SYNE1: variants seen among roughly 807,000 people sequenced by gnomAD.
The protein encoded by SYNE1 is nesprin-1.
SYNE1 carries 616 observed loss-of-function variants against 1,111.0 expected under a neutral mutation model. That is an observed-to-expected ratio of 0.55 (90% CI 0.52 to 0.59). The LOEUF is 0.59. Ranked by LOEUF, SYNE1 falls within the 20% of genes least tolerant of loss-of-function variation. SYNE1 has a pLI of 0.00. For synonymous variants in SYNE1, 3,855 were observed against 3,825.8 expected (o/e 1.01, Z -0.28); for missense variants, 10,006 against 10,417.0 (o/e 0.96, Z 1.72).
intron 16 of SYNE1, among the ~76,000 whole-genome samples, chr6:152,468,373 T>C (rs777561562): frequency 1.3e-4 from 20 of 152,186 alleles, no homozygotes; most frequent in South Asian, 4.1e-4. Context: ...TTTTCTTTCA[T>C]GTGAAAGATT....
At chr6:152,139,202 T>C (rs1171784378) in intron 140 of SYNE1, among the ~76,000 whole-genome samples, 1 of 152,186 alleles carries the variant, frequency 6.6e-6, no homozygotes, top group Non-Finnish European at 1.5e-5. Flanking sequence ...TCTTAAAATA[T>C]CAATTCATTA....
At chr6:152,264,604 C>T (rs1278666519) in intron 100 of SYNE1, among the ~76,000 whole-genome samples, 1 of 151,828 alleles carries the variant, frequency 6.6e-6, no homozygotes, top group Non-Finnish European at 1.5e-5. Context: ...TGAGCCCAGC[C>T]TGGACAACAT....
chr6:152,134,857 C>A, intron 142 of SYNE1: 1 of 494,892 alleles, frequency 2.0e-6, no homozygotes, highest in Non-Finnish European at 3.6e-6. Context: ...CTTGAGAACA[C>A]TAAGATTTTT....
chr6:152,528,882 A>G (rs1464687457), intron 4 of SYNE1, among the ~76,000 whole-genome samples: 3 of 152,202 alleles, frequency 2.0e-5, no homozygotes, highest in Admixed American at 6.5e-5. Flanking sequence ...GGGTTTGTGT[A>G]TTATTCAGGA....
Position 152,472,493 on chromosome 6 carries a change from C to T in SYNE1, c.1351-80G>A, listed in dbSNP as rs4530871. The stretch of plus-strand genomic sequence containing the variant: ...TAAGAAGCATAATTTCCAGCCCGCA[C>T]CGATGAGTCAATGTATTCAACAATT... On this transcript the variant is annotated intron_variant, in intron 14 of 145. Coordinates refer to ENST00000367255, the MANE Select transcript of SYNE1 (RefSeq NM_182961.4). 40,600 of 1,273,980 alleles carry T rather than the reference C, an allele frequency of 0.032. 787 individuals carry two copies. The highest frequency in any genetic ancestry group is 0.051 in the African/African-American group (3,463 of 68,372). 78.9% of individuals were successfully genotyped at this position (1,273,980 alleles called of 1,614,324 possible). A position where few individuals can be genotyped will look rare whatever the true frequency, so the allele number is the denominator to read the frequency against.
chr6:152,162,063 T>A (rs1401031622), intron 131 of SYNE1, among the ~76,000 whole-genome samples: 2 of 152,214 alleles, frequency 1.3e-5, no homozygotes, highest in Non-Finnish European at 2.9e-5. Flanking sequence ...AATCATCTGA[T>A]CTTCTACCTG....
intron 47 of SYNE1, among the ~76,000 whole-genome samples, chr6:152,400,434 C>A (rs927262191): frequency 6.6e-6 from 1 of 151,994 alleles, no homozygotes; most frequent in African/African-American, 2.4e-5. Flanking sequence ...GAGGCTGAGG[C>A]CAGTGGATCA....
intron 130 of SYNE1, among the ~76,000 whole-genome samples, chr6:152,170,879 C>T (rs563937687): frequency 7.2e-5 from 11 of 152,232 alleles, no homozygotes; most frequent in Non-Finnish European, 1.3e-4. Context: ...GGAAGGGACC[C>T]GATGGGAGAT....
intron 67 of SYNE1, among the ~76,000 whole-genome samples, chr6:152,354,405 T>C (rs2096797881): frequency 6.6e-6 from 1 of 152,166 alleles, no homozygotes; most frequent in Non-Finnish European, 1.5e-5. Context: ...TCATGTATCT[T>C]CACAAAACAA....
intron 128 of SYNE1, among the ~76,000 whole-genome samples, chr6:152,189,019 A>ATT (rs2071397143): frequency 7.6e-6 from 1 of 131,408 alleles, no homozygotes; most frequent in Admixed American, 8.1e-5. Flanking sequence ...ATATATATAT[A>ATT]AAATGCCAGC....
rs753756163 is a variant in SYNE1, at chr6:152,339,364, G to A, written c.12228C>T (p.Val4076=). ...PLSRAEAIKQ[V]KHFRALQEQA... ...GCTCTTGCAAAGCTCTGAAGTGTTT[G>A]ACCTGGAAAAGGCAGTTATCAGAGT... is the stretch of plus-strand genomic sequence containing the variant. The change falls in exon 75 of 146, where the codon GTC becomes GTT. Residue 4076 remains valine, a splice_region_variant and synonymous_variant. Coordinates refer to ENST00000367255, the MANE Select transcript of SYNE1 (RefSeq NM_182961.4). The A allele has an allele frequency of 1.2e-6, 2 of 1,613,472 alleles. No homozygotes were observed. The highest frequency in any genetic ancestry group is 2.7e-5 in the African/African-American group (2 of 74,926).
chr6:152,607,109 C>A (rs1170198857), intron 3 of SYNE1, among the ~76,000 whole-genome samples: 2 of 151,136 alleles, frequency 1.3e-5, no homozygotes, highest in Non-Finnish European at 2.9e-5. Context: ...CTCAGCCCCC[C>A]CAGTAGGTGG....
intron 91 of SYNE1, 70 bp from the exon 92 acceptor site, chr6:152,302,133 C>T (rs892422076): frequency 1.1e-5 from 18 of 1,597,990 alleles, no homozygotes; most frequent in Non-Finnish European, 1.5e-5. Context: ...TAGCGTTCAT[C>T]TTCCTGCAGG....
At chr6:152,218,963 A>G (rs745732406) in intron 120 of SYNE1, 40 bp downstream of exon 120, 18 of 1,592,456 alleles carry the variant, frequency 1.1e-5, no homozygotes, top group Middle Eastern at 3.4e-4. Flanking sequence ...ATATTAGAGA[A>G]CAGCCAATAT....
intron 85 of SYNE1, 118 bp from the exon 86 acceptor site, chr6:152,318,381 A>G: frequency 9.0e-7 from 1 of 1,113,894 alleles, no homozygotes; most frequent in Non-Finnish European, 1.3e-6. Context: ...TTCTACTATA[A>G]TTCTACTATG....
intron 29 of SYNE1, among the ~76,000 whole-genome samples, chr6:152,445,707 C>G (rs2098579486): frequency 6.6e-6 from 1 of 151,442 alleles, no homozygotes; most frequent in Non-Finnish European, 1.5e-5. Flanking sequence ...TCTTGTGCAT[C>G]CACCCACAGT....
chr6:152,174,559 G>A (rs550075847), intron 130 of SYNE1, among the ~76,000 whole-genome samples: 1 of 152,246 alleles, frequency 6.6e-6, no homozygotes, highest in Admixed American at 6.5e-5. Context: ...AAAGAACTGA[G>A]AAATTAGATT....
intron 95 of SYNE1, among the ~76,000 whole-genome samples, chr6:152,288,944 T>C (rs745502536): frequency 7.9e-5 from 12 of 152,294 alleles, no homozygotes; most frequent in African/African-American, 2.4e-4. Flanking sequence ...GTTTTTAACT[T>C]CAAGATCTAG....
intron 130 of SYNE1, among the ~76,000 whole-genome samples, chr6:152,171,598 A>T (rs1053170109): frequency 6.6e-6 from 1 of 152,214 alleles, no homozygotes; most frequent in African/African-American, 2.4e-5. Flanking sequence ...AGGAAGAACC[A>T]ATCAGGAGCT....
Sources: gnomAD v4.1 joint callset for allele counts (sites outside exome capture counted in the v4.1 genomes callset) on GRCh38, gnomAD v4.1.1 for gene constraint, MANE v1.5 for transcripts, NCBI Gene and HGNC (gene_info 2026-07-23, HGNC 2026-07-21) for gene names.